PRELID2: variants seen among roughly 807,000 people sequenced by gnomAD.
PRELID2 encodes the protein PRELI domain containing 2.
PRELID2 carries 25 observed loss-of-function variants against 28.4 expected under a neutral mutation model. The observed-to-expected ratio is 0.88, with a 90% CI of 0.64 to 1.23. The LOEUF (loss-of-function observed/expected upper bound fraction) is 1.23. PRELID2 is among the 50% of genes most tolerant of loss of function. PRELID2 has a pLI of 0.00. For missense variants in PRELID2, 201 were observed against 214.4 expected (o/e 0.94, Z 0.39); for synonymous variants, 76 against 71.6 (o/e 1.06, Z -0.31).
chr5:145,780,498 G>C (rs1758717653), intron 5 of PRELID2, among the ~76,000 whole-genome samples: 1 of 152,162 alleles, frequency 6.6e-6, no homozygotes, highest in Non-Finnish European at 1.5e-5. Flanking sequence ...AGAGTATTCT[G>C]CTGGCTTCAA....
At chr5:145,828,490 A>G (rs938390565) in intron 1 of PRELID2, among the ~76,000 whole-genome samples, 1 of 152,202 alleles carries the variant, frequency 6.6e-6, no homozygotes, top group Non-Finnish European at 1.5e-5. Flanking sequence ...TAGACTAATA[A>G]AAAACTCAGA....
intron 1 of PRELID2, among the ~76,000 whole-genome samples, chr5:145,509,577 T>TCCTCTGCCTCTGCC (rs1752443428): frequency 6.6e-6 from 1 of 151,960 alleles, no homozygotes; most frequent in African/African-American, 2.4e-5. Flanking sequence ...GAAAGAGGAG[T>TCCTCTGCCTCTGCC]TCTGCCAGAA....
intron 1 of PRELID2, among the ~76,000 whole-genome samples, chr5:145,656,338 G>C (rs991698021): frequency 4.6e-5 from 7 of 152,316 alleles, no homozygotes; most frequent in African/African-American, 1.7e-4. Context: ...GTGGAAGACA[G>C]TGTGGCAATT....
the PRELID2 span, among the ~76,000 whole-genome samples, chr5:145,354,676 A>G: frequency 4.7e-4 from 72 of 152,278 alleles, 1 homozygote; most frequent in South Asian, 0.015. Flanking sequence ...CACCACATAC[A>G]TGAGCTAATA....
chr5:145,757,508 G>A lies in PRELID2; in HGVS notation c.*3028C>T, dbSNP rs1757294245. ...AGACAGGAGGAGACTGGCCAGGTCT[G>A]TGAATTAACCCTTTCCCACTCTTGT... On this transcript the variant is annotated 3_prime_UTR_variant, in exon 7 of 7. Transcript: ENST00000683046. Among the ~76,000 whole-genome samples, 1 of 152,160 alleles carries A rather than the reference G, an allele frequency of 6.6e-6. No homozygotes were observed. The highest frequency in any genetic ancestry group is 2.1e-4 in the South Asian group (1 of 4,830).
chr5:145,273,843 T>C, the PRELID2 span, among the ~76,000 whole-genome samples: 2 of 152,116 alleles, frequency 1.3e-5, no homozygotes, highest in East Asian at 1.9e-4. Context: ...CCCTATGATC[T>C]GAAGTAATCA....
chr5:145,231,970 G>C, the PRELID2 span, among the ~76,000 whole-genome samples: 2 of 152,050 alleles, frequency 1.3e-5, no homozygotes, highest in African/African-American at 4.8e-5. Context: ...TATTCAGGGA[G>C]TAATTTAGAA....
At chr5:145,467,040 T>A (rs1241338516), downstream of PRELID2, among the ~76,000 whole-genome samples, 1 of 152,164 alleles carries the variant, frequency 6.6e-6, no homozygotes, top group Non-Finnish European at 1.5e-5. Context: ...GACCCTTTGA[T>A]GATATTATAA....
At chr5:145,537,114 CA>C (rs1447347593) in intron 1 of PRELID2, among the ~76,000 whole-genome samples, 1 of 151,702 alleles carries the variant, frequency 6.6e-6, no homozygotes, top group African/African-American at 2.4e-5. Context: ...TTTTACTTAC[CA>C]AAAGGGCATA....
At chr5:145,452,838 G>T in the PRELID2 span, among the ~76,000 whole-genome samples, 12 of 152,182 alleles carry the variant, frequency 7.9e-5, no homozygotes, top group East Asian at 1.9e-4. Context: ...ATCATTTCTG[G>T]GGCAAACACA....
At chr5:145,275,178 AACACAGG>A in the PRELID2 span, among the ~76,000 whole-genome samples, 2 of 152,066 alleles carry the variant, frequency 1.3e-5, no homozygotes, top group Admixed American at 6.6e-5. Context: ...ATTCAACCCA[AACACAGG>A]ACAAAAATTA....
At chr5:145,572,559 A>G (rs1753023869) in intron 1 of PRELID2, among the ~76,000 whole-genome samples, 1 of 152,214 alleles carries the variant, frequency 6.6e-6, no homozygotes, top group Non-Finnish European at 1.5e-5. Flanking sequence ...TTATGAGAAG[A>G]TGACATTTTT....
chr5:145,467,873 A>C (rs1414258263), downstream of PRELID2, among the ~76,000 whole-genome samples: 1 of 151,370 alleles, frequency 6.6e-6, no homozygotes, highest in Non-Finnish European at 1.5e-5. Context: ...GTTTATTTTA[A>C]AGTTAATTTA....
chr5:145,609,272 T>C (rs1314838470), intron 1 of PRELID2, among the ~76,000 whole-genome samples: 1 of 152,220 alleles, frequency 6.6e-6, no homozygotes, highest in African/African-American at 2.4e-5. Context: ...AATTCAGCCA[T>C]TTCAGACTAG....
chr5:145,674,831 C>A (rs1754781963), intron 1 of PRELID2, among the ~76,000 whole-genome samples: 1 of 151,992 alleles, frequency 6.6e-6, no homozygotes, highest in Non-Finnish European at 1.5e-5. Context: ...CCTGTAGTCC[C>A]AGCTGAAGCA....
the PRELID2 span, among the ~76,000 whole-genome samples, chr5:145,240,146 T>C: frequency 1.3e-5 from 2 of 151,966 alleles, no homozygotes; most frequent in Admixed American, 6.6e-5. Context: ...TGGTCTGACG[T>C]TTTATGGCAT....
Position 145,823,078 on chromosome 5 carries a change from T to A in PRELID2, c.132A>T (p.Arg44Ser). 1 of 1,497,458 alleles carries A rather than the reference T, an allele frequency of 6.7e-7. No individual in the cohort carries two copies. The highest frequency in any genetic ancestry group is 9.3e-7 in the Non-Finnish European group (1 of 1,074,092). The allele number at this position is 1,497,458 out of a possible 1,614,324, so 92.8% of individuals were successfully genotyped here. The part of the protein sequence containing the change: ...VISVKIMEEK[R>S]DESTGVIYRK... ...GAAAAAACTGTACAGAGAACTTACC[T>A]CTTTTTTCCTCCATGATTTTTACTG... Residue 44 changes from arginine (R) to serine (S), a missense_variant and splice_region_variant, in exon 2 of 7, where the codon AGA (arginine) becomes AGT (serine). Physicochemically the swap from Arg to Ser is moderately radical, Grantham distance 110. Coordinates refer to ENST00000683046, the MANE Select transcript of PRELID2 (RefSeq NM_205846.3).
the PRELID2 span, among the ~76,000 whole-genome samples, chr5:145,462,329 G>C: frequency 6.6e-6 from 1 of 152,196 alleles, no homozygotes; most frequent in Admixed American, 6.5e-5. Context: ...TGGAGGACAT[G>C]ATGTAGGAGC....
At chr5:145,435,860 C>T in the PRELID2 span, among the ~76,000 whole-genome samples, 8 of 152,200 alleles carry the variant, frequency 5.3e-5, no homozygotes, top group East Asian at 5.8e-4. Flanking sequence ...TGTTAATCTG[C>T]GCAAGTTAAT....
Sources: allele counts gnomAD v4.1 joint callset (sites outside exome capture counted in the v4.1 genomes callset), GRCh38; gene constraint gnomAD v4.1.1; transcripts MANE v1.5; gene names NCBI Gene and HGNC (gene_info 2026-07-23, HGNC 2026-07-21).